The following GPR63 variants were observed in gnomAD, a reference collection of about 807,000 sequenced individuals.
GPR63 encodes G protein-coupled receptor 63.
GPR63 carries 12 observed loss-of-function variants against 23.1 expected under a neutral mutation model. The ratio of observed to expected loss-of-function variants is 0.52; its 90% CI spans 0.33 to 0.84. The LOEUF is 0.84. Among genes scored for constraint, GPR63 ranks in the 40% least tolerant of loss-of-function variants. The pLI, the probability that GPR63 is intolerant of heterozygous loss-of-function variation, is 0.02. For missense variants in GPR63, 472 were observed against 515.6 expected (o/e 0.92, Z 0.82); for synonymous variants, 172 against 191.1 (o/e 0.90, Z 0.82).
chr6:96,836,911 C>T (rs1774745019), intron 1 of GPR63, among the ~76,000 whole-genome samples: 1 of 152,090 alleles, frequency 6.6e-6, no homozygotes, highest in Admixed American at 6.5e-5. Flanking sequence ...TCAACCAGAA[C>T]AGCCCAGCAG....
rs554534174 is a variant in GPR63 at position 96,798,481 on chromosome 6, C to T, written c.1251G>A (p.Thr417=). 1.7e-5 allele frequency: 27 copies of T among 1,611,814 alleles called. No individual in the cohort carries two copies. The highest frequency in any genetic ancestry group is 1.1e-4 in the South Asian group (10 of 90,974). The part of the protein sequence containing the change: ...SAVYVCGEHR[T]VV ...CAGCCAGTTCCAATATTCACACCAC[C>T]GTCCGATGTTCCCCACACACATAGA... Residue 417 remains threonine (T), a synonymous_variant, in exon 2 of 2, where the codon ACG becomes ACA. Transcript: ENST00000229955.
intron 1 of GPR63, among the ~76,000 whole-genome samples, chr6:96,814,812 T>C (rs999582241): frequency 2.0e-5 from 3 of 152,112 alleles, no homozygotes; most frequent in Admixed American, 1.3e-4. Flanking sequence ...GCCAATAATG[T>C]GTTTTACAAA....
At position 96,795,382 on chromosome 6, in the gene GPR63, T is replaced by C. The variant is rs141457007; in HGVS notation, c.*3090A>G. On this transcript the variant is annotated 3_prime_UTR_variant, in exon 2 of 2. Coordinates refer to ENST00000229955, the MANE Select transcript of GPR63 (RefSeq NM_030784.4). The stretch of plus-strand genomic sequence containing the variant: ...TATCTTTCCCTGCCTCAAGAAAATA[T>C]GGGGGAATAGGCAACATATGATTTT... 6.6e-6 allele frequency: 1 copy of C among 152,286 alleles called. No individual in the cohort carries two copies. The highest frequency in any genetic ancestry group is 1.5e-5 in the Non-Finnish European group (1 of 68,012). The allele number at this position is 152,286 out of a possible 1,614,324, so 9.4% of individuals were successfully genotyped here.
chr6:96,826,759 A>T (rs901113600), intron 1 of GPR63, among the ~76,000 whole-genome samples: 1 of 152,144 alleles, frequency 6.6e-6, no homozygotes, highest in Non-Finnish European at 1.5e-5. Flanking sequence ...AACAAAAAAT[A>T]AACTCTACCA....
At chr6:96,812,904 T>C (rs1404509320) in intron 1 of GPR63, among the ~76,000 whole-genome samples, 2 of 152,154 alleles carry the variant, frequency 1.3e-5, no homozygotes, top group African/African-American at 4.8e-5. Context: ...TGTTGCTAAC[T>C]ATAGTCATCC....
intron 1 of GPR63, among the ~76,000 whole-genome samples, chr6:96,836,045 C>G (rs1036737649): frequency 2.0e-5 from 3 of 152,022 alleles, no homozygotes; most frequent in Non-Finnish European, 4.4e-5. Flanking sequence ...GGCTATGCAA[C>G]ATTTTACAAA....
intron 1 of GPR63, among the ~76,000 whole-genome samples, chr6:96,825,948 A>G (rs553708111): frequency 1.1e-3 from 167 of 152,228 alleles, no homozygotes; most frequent in Non-Finnish European, 2.1e-3. Flanking sequence ...CCACATCACC[A>G]TATCATGTAG....
At chr6:96,832,940 T>C (rs1202872070) in intron 1 of GPR63, among the ~76,000 whole-genome samples, 1 of 152,176 alleles carries the variant, frequency 6.6e-6, no homozygotes, top group Non-Finnish European at 1.5e-5. Flanking sequence ...ATATTCAACT[T>C]ATACTCGAAA....
Position 96,799,672 on chromosome 6 carries a change from G to A in GPR63, c.60C>T (p.Val20=), listed in dbSNP as rs769658393. 14 of 1,614,062 alleles carry A rather than the reference G, an allele frequency of 8.7e-6. No homozygotes were observed. The highest frequency in any genetic ancestry group is 4.5e-5 in the East Asian group (2 of 44,880). The change falls in exon 2 of 2, where the codon GTC becomes GTT. Residue 20 remains valine, a synonymous_variant. Coordinates refer to ENST00000229955, the MANE Select transcript of GPR63 (RefSeq NM_030784.4). ...TATTCATGTAGGTGTTTTCATACAC[G>A]ACAAATGTTGTGTTGGATGTCCCGG... ...FHTGTSNTTF[V]VYENTYMNIT...
At chr6:96,819,593 T>C (rs1381294038) in intron 1 of GPR63, among the ~76,000 whole-genome samples, 2 of 151,048 alleles carry the variant, frequency 1.3e-5, no homozygotes, top group Non-Finnish European at 3.0e-5. Flanking sequence ...TAAATGGGGG[T>C]TGATAGGAGC....
chr6:96,803,607 TCTTC>T (rs998603304), intron 1 of GPR63, among the ~76,000 whole-genome samples: 11 of 152,368 alleles, frequency 7.2e-5, no homozygotes, highest in African/African-American at 2.6e-4. Context: ...TCCCTGGCCT[TCTTC>T]CTTTTCTTAT....
At chr6:96,831,648 T>G (rs1774583312) in intron 1 of GPR63, among the ~76,000 whole-genome samples, 1 of 152,104 alleles carries the variant, frequency 6.6e-6, no homozygotes, top group Non-Finnish European at 1.5e-5. Flanking sequence ...GGTTCACACC[T>G]GTAATCCCAG....
chr6:96,832,485 C>A (rs887466834), intron 1 of GPR63, among the ~76,000 whole-genome samples: 3 of 151,084 alleles, frequency 2.0e-5, no homozygotes, highest in Admixed American at 2.0e-4. Context: ...ATTTCCCAGG[C>A]TGGTCTCCAA....
chr6:96,811,367 C>T (rs894497552), intron 1 of GPR63, among the ~76,000 whole-genome samples: 4 of 152,140 alleles, frequency 2.6e-5, no homozygotes, highest in Non-Finnish European at 4.4e-5. Flanking sequence ...GAAATACTGG[C>T]GTTACTCAAG....
intron 1 of GPR63, among the ~76,000 whole-genome samples, chr6:96,801,474 C>T (rs2127944018): frequency 6.6e-6 from 1 of 152,320 alleles, no homozygotes; most frequent in African/African-American, 2.4e-5. Flanking sequence ...GTTGGGATTA[C>T]AGGCGTGAGC....
intron 1 of GPR63, among the ~76,000 whole-genome samples, chr6:96,805,274 GAAC>G (rs1481789193): frequency 6.6e-6 from 1 of 152,098 alleles, no homozygotes; most frequent in Admixed American, 6.6e-5. Context: ...GTGAGAGCAG[GAAC>G]AAGAGAGCGA....
chr6:96,825,549 G>T lies in GPR63; in HGVS notation c.-151+11719C>A, dbSNP rs1774419612. 2.0e-5 allele frequency among the ~76,000 whole-genome samples: 3 copies of T among 151,978 alleles called. No individual in the cohort carries two copies. In the South Asian group the frequency reaches 6.2e-4, roughly 32 times the overall value. ...GAACTTTATTCCAACCTAGAATCTA[G>T]ATATGAGCAAAGATCTTACCAAAGT... On this transcript the variant is annotated intron_variant, in intron 1 of 1. Transcript: ENST00000229955.
chr6:96,820,483 C>A (rs902205792), intron 1 of GPR63, among the ~76,000 whole-genome samples: 1 of 151,858 alleles, frequency 6.6e-6, no homozygotes, highest in African/African-American at 2.4e-5. Flanking sequence ...TTAAGTGTAC[C>A]CCATATTTCC....
At chr6:96,810,132 A>G (rs74364909) in intron 1 of GPR63, among the ~76,000 whole-genome samples, 16,613 of 152,210 alleles carry the variant, frequency 0.11, 1,069 homozygotes, top group South Asian at 0.15. Flanking sequence ...ACATGCAGAT[A>G]AGAATGTTCA....
Sources: gnomAD v4.1 joint callset for allele counts (sites outside exome capture counted in the v4.1 genomes callset) on GRCh38, gnomAD v4.1.1 for gene constraint, MANE v1.5 for transcripts, NCBI Gene and HGNC (gene_info 2026-07-23, HGNC 2026-07-21) for gene names.